OSBP: variants seen among roughly 807,000 people sequenced by gnomAD.
OSBP encodes the protein oxysterol binding protein.
OSBP carries 32 observed loss-of-function variants against 96.6 expected under a neutral mutation model. The ratio of observed to expected loss-of-function variants is 0.33; its 90% confidence interval spans 0.25 to 0.45. The LOEUF is 0.45. OSBP is among the 20% of genes least tolerant of loss of function. The pLI, the probability that OSBP is intolerant of heterozygous loss-of-function variation, is 1.00. For synonymous variants in OSBP, 369 were observed against 389.6 expected (o/e 0.95, Z 0.62); for missense variants, 653 against 1,029.7 (o/e 0.63, Z 5.01).
chr11:59,591,213 C>A (rs1860575582), intron 9 of OSBP, among the ~76,000 whole-genome samples: 1 of 152,096 alleles, frequency 6.6e-6, no homozygotes, highest in Non-Finnish European at 1.5e-5. Flanking sequence ...AAAATTAGAT[C>A]TTTAACAAAT....
At chr11:59,581,395 A>G (rs976165900) in intron 10 of OSBP, 56 bp downstream of exon 10, 2 of 978,198 alleles carry the variant, frequency 2.0e-6, no homozygotes, top group African/African-American at 3.2e-5. Context: ...CTGCAGAAAT[A>G]TACCTAAAGA....
intron 3 of OSBP, among the ~76,000 whole-genome samples, chr11:59,604,303 T>C (rs78839029): frequency 0.037 from 5,701 of 152,190 alleles, 140 homozygotes; most frequent in Non-Finnish European, 0.043. Flanking sequence ...GTAAAACACT[T>C]TGGAAGGCCA....
chr11:59,594,196 A>G lies in OSBP; in HGVS notation c.1371T>C (p.His457=). The G allele has an allele frequency of 6.2e-7, 1 of 1,613,058 alleles. No homozygotes were observed. The highest frequency in any genetic ancestry group is 8.5e-7 in the Non-Finnish European group (1 of 1,179,004). ...ATTTTGCAGCTCGGTCTAACAGCTC[A>G]TGGTATTCCAGATCTTCAGTAAGGC... ...LQRLTEDLEY[H]ELLDRAAKCE... Residue 457 remains histidine (H), a synonymous_variant, in exon 8 of 14, where the codon CAT becomes CAC. Transcript: ENST00000263847.
At chr11:59,577,092 A>G (rs1860369755) in intron 12 of OSBP, 67 bp from the exon 13 acceptor site, 1 of 1,255,744 alleles carries the variant, frequency 8.0e-7, no homozygotes, top group East Asian at 2.3e-5. Flanking sequence ...AAGAGCAACA[A>G]CTAAGTACAC....
chr11:59,614,257 CT>C (rs1177294912), intron 1 of OSBP, among the ~76,000 whole-genome samples: 4 of 152,130 alleles, frequency 2.6e-5, no homozygotes, highest in African/African-American at 9.7e-5. Flanking sequence ...GCTCAAAAAC[CT>C]TGGGAAAGTT....
At chr11:59,582,464 A>T (rs1443475846) in intron 9 of OSBP, among the ~76,000 whole-genome samples, 1 of 152,212 alleles carries the variant, frequency 6.6e-6, no homozygotes, top group Non-Finnish European at 1.5e-5. Context: ...GAGACAGGGC[A>T]CAATGCTCTG....
intron 7 of OSBP, chr11:59,594,963 G>A (rs1419988063): frequency 6.5e-6 from 1 of 154,452 alleles, no homozygotes; most frequent in African/African-American, 2.4e-5. Flanking sequence ...TTCTGTTGGG[G>A]GAGATGTTCA....
Position 59,600,479 on chromosome 11 carries a change from G to T in OSBP, c.1311+17C>A, listed in dbSNP as rs1404917641. The T allele has an allele frequency of 6.2e-7, 1 of 1,612,754 alleles. No individual in the cohort carries two copies. On this transcript the variant is annotated intron_variant, in intron 7 of 13. Transcript: ENST00000263847. ...AGAGGAACTCCTGGCAGCAGCTCCAGTGTGCAAGAACCTTACCGGCATGGG... is the reference window on the plus strand; with the variant it reads ...AGAGGAACTCCTGGCAGCAGCTCCATTGTGCAAGAACCTTACCGGCATGGG...
At chr11:59,611,429 T>C (rs1860846245) in intron 1 of OSBP, among the ~76,000 whole-genome samples, 1 of 152,190 alleles carries the variant, frequency 6.6e-6, no homozygotes, top group Admixed American at 6.5e-5. Context: ...AGCTCTATTT[T>C]ATATATACCA....
rs1285987012 is a variant in OSBP at position 59,580,195 on chromosome 11, G to A, written c.1857C>T (p.Phe619=). ...CNLKFVPYSY[F]SRDVARKVTG... is the part of the protein sequence containing the mutation. ...TTACCTTTCTTGCTACATCCCGAGAGAAGTAGCTATAAGGAACAAATTTAA... is the reference window on the plus strand; with the variant it reads ...TTACCTTTCTTGCTACATCCCGAGAAAAGTAGCTATAAGGAACAAATTTAA... Residue 619 remains phenylalanine, a synonymous_variant, in exon 11 of 14, where the codon TTC becomes TTT. Transcript: ENST00000263847. The A allele has an allele frequency of 1.2e-6, 2 of 1,609,676 alleles. No individual in the cohort carries two copies. Among genetic ancestry groups the A allele is most frequent in the Admixed American group, 1.7e-5 (1 of 59,984 alleles).
intron 3 of OSBP, among the ~76,000 whole-genome samples, chr11:59,608,126 AATACATACATAC>A (rs141275090): frequency 9.9e-5 from 15 of 150,956 alleles, no homozygotes; most frequent in Non-Finnish European, 1.8e-4. Flanking sequence ...AAAATAAATA[AATACATACATAC>A]ATACATACAT....
chr11:59,615,654 G>A lies in OSBP; in HGVS notation c.11C>T (p.Thr4Met). 1 of 1,351,216 alleles carries A rather than the reference G, an allele frequency of 7.4e-7. No homozygotes were observed. The highest frequency in any genetic ancestry group is 9.5e-7 in the Non-Finnish European group (1 of 1,052,098). 83.7% of individuals were successfully genotyped at this position (1,351,216 alleles called of 1,614,324 possible). Residue 4 changes from threonine (T) to methionine (M), a missense_variant, in exon 1 of 14, where the codon ACG becomes ATG. Thr to Met is a moderately conservative substitution (Grantham distance 81). Around this residue, in one of 6 missense-constraint regions of OSBP, gnomAD observed 151 missense variants for 146.1 expected, o/e 1.03. Coordinates refer to ENST00000263847, the MANE Select transcript of OSBP (RefSeq NM_002556.3). MAATELRGVVGPGP... is the reference protein window; with the variant it reads MAAMELRGVVGPGP... ...TGGCCCCACCACTCCTCTCAGCTCC[G>A]TCGCCGCCATGAGCCGCCGCCGCCT...
intron 3 of OSBP, among the ~76,000 whole-genome samples, chr11:59,607,671 C>T (rs1860798414): frequency 6.6e-6 from 1 of 152,114 alleles, no homozygotes; most frequent in Non-Finnish European, 1.5e-5. Context: ...CTAAAACAAC[C>T]TGCCAGGCAA....
intron 9 of OSBP, among the ~76,000 whole-genome samples, chr11:59,582,969 T>C (rs975130227): frequency 2.6e-5 from 4 of 152,160 alleles, no homozygotes; most frequent in African/African-American, 9.7e-5. Context: ...GCAGAGATAA[T>C]TGAGGATTCA....
At chr11:59,615,108 G>A (rs917688682) in intron 1 of OSBP, among the ~76,000 whole-genome samples, 195 bp downstream of exon 1, 2 of 152,218 alleles carry the variant, frequency 1.3e-5, no homozygotes, top group South Asian at 2.1e-4. Flanking sequence ...CCCGAGGGGA[G>A]GGGAGGTGTA....
chr11:59,583,831 G>C (rs897861584), intron 9 of OSBP, among the ~76,000 whole-genome samples: 3 of 150,934 alleles, frequency 2.0e-5, no homozygotes, highest in Non-Finnish European at 3.0e-5. Flanking sequence ...GTAGAGACAG[G>C]GTTTCGCCAT....
intron 9 of OSBP, 130 bp downstream of exon 9, chr11:59,593,474 G>T: frequency 1.0e-6 from 1 of 987,020 alleles, no homozygotes; most frequent in Non-Finnish European, 1.6e-6. Flanking sequence ...CCTGCCCAAA[G>T]CCAGTTAGTG....
intron 12 of OSBP, among the ~76,000 whole-genome samples, 157 bp downstream of exon 12, chr11:59,577,992 A>C (rs1271659556): frequency 6.6e-6 from 1 of 152,230 alleles, no homozygotes; most frequent in South Asian, 2.1e-4. Flanking sequence ...AAGTCAAATC[A>C]TACAATGACA....
chr11:59,610,937 C>T (rs189117420), intron 1 of OSBP, among the ~76,000 whole-genome samples: 89 of 151,770 alleles, frequency 5.9e-4, no homozygotes, highest in African/African-American at 2.0e-3. Flanking sequence ...AGTTCCAGAC[C>T]GGCCTGGCTA....
Sources: allele counts gnomAD v4.1 joint callset (sites outside exome capture counted in the v4.1 genomes callset), GRCh38; gene constraint gnomAD v4.1.1; regional missense constraint gnomAD v4.1.1; transcripts MANE v1.5; gene names NCBI Gene and HGNC (gene_info 2026-07-23, HGNC 2026-07-21).